The following SUN3 variants were observed in gnomAD, a reference collection of about 807,000 sequenced individuals.
The protein encoded by SUN3 is SUN domain-containing protein 3.
In SUN3, 36 loss-of-function variants were observed where a neutral mutation model predicts 48.2. The ratio of observed to expected loss-of-function variants is 0.75; its 90% CI spans 0.57 to 0.99. SUN3 has a LOEUF of 0.99. SUN3 is among the 50% of genes least tolerant of loss of function. The pLI is 0.00. For missense variants in SUN3, 419 were observed against 433.1 expected (o/e 0.97, Z 0.29); for synonymous variants, 148 against 147.9 (o/e 1.00, Z 0.00).
At position 47,996,076 on chromosome 7, in the gene SUN3, C is replaced by T. The variant is rs774043477; in HGVS notation, c.648G>A (p.Gly216=). The change falls in exon 7 of 10, where the codon GGG becomes GGA. Residue 216 remains glycine, a synonymous_variant. Transcript: ENST00000297325. ...GCATTTCATGATTTAGGAAACCTAT[C>T]CCATGCCAGTACAATTTTGCTTTAT... is the stretch of plus-strand genomic sequence containing the variant. ...KNNKAKLYWH[G]IGFLNHEMPP... is the part of the protein sequence containing the mutation. 3.1e-6 allele frequency: 5 copies of T among 1,595,052 alleles called. No homozygotes were observed. The highest frequency in any genetic ancestry group is 2.6e-6 in the Non-Finnish European group (3 of 1,173,574).
intron 2 of SUN3, among the ~76,000 whole-genome samples, chr7:48,020,599 A>G (rs532162592): frequency 5.3e-4 from 81 of 152,350 alleles, no homozygotes; most frequent in African/African-American, 1.8e-3. Context: ...GCAGTGTTGC[A>G]GGATACAAAG....
Position 47,996,061 on chromosome 7 carries a change from A to T in SUN3, c.663T>A (p.Asn221Lys), listed in dbSNP as rs1789202547. The change falls in exon 7 of 10, where the codon AAT (asparagine) becomes AAA (lysine). Residue 221 changes from asparagine to lysine, a missense_variant. Asn to Lys is a moderately conservative substitution (Grantham distance 94). Transcript: ENST00000297325. ...GAATAATATCTGGAGGCATTTCATGATTTAGGAAACCTATCCCATGCCAGT... is the reference window on the plus strand; with the variant it reads ...GAATAATATCTGGAGGCATTTCATGTTTTAGGAAACCTATCCCATGCCAGT... ...KLYWHGIGFLNHEMPPDIILQ... is the reference protein window; with the variant it reads ...KLYWHGIGFLKHEMPPDIILQ... 2 of 1,586,184 alleles carry T rather than the reference A, an allele frequency of 1.3e-6. No homozygotes were observed. The highest frequency in any genetic ancestry group is 4.6e-5 in the East Asian group (2 of 43,802).
chr7:48,010,935 G>A (rs2128778265), intron 3 of SUN3, among the ~76,000 whole-genome samples: 1 of 152,212 alleles, frequency 6.6e-6, no homozygotes, highest in Non-Finnish European at 1.5e-5. Flanking sequence ...TGGTGGCTCT[G>A]GGCATTCCTA....
intron 8 of SUN3, 25 bp from the exon 9 acceptor site, chr7:47,988,905 A>C (rs1583736550): frequency 1.5e-6 from 2 of 1,367,712 alleles, no homozygotes; most frequent in Admixed American, 3.8e-5. Context: ...ACAGATATAG[A>C]GATTGTAATG....
upstream of SUN3, among the ~76,000 whole-genome samples, chr7:48,032,975 C>G (rs1260704012): frequency 1.3e-5 from 2 of 152,148 alleles, no homozygotes; most frequent in South Asian, 2.1e-4. Flanking sequence ...ATACATTTTT[C>G]CTCTTCTCAA....
At chr7:47,991,988 A>C (rs1049400678) in intron 8 of SUN3, among the ~76,000 whole-genome samples, 5 of 152,092 alleles carry the variant, frequency 3.3e-5, no homozygotes, top group Non-Finnish European at 7.4e-5. Context: ...GCCTCTGCAC[A>C]AAGTGGTGAC....
At chr7:48,010,638 T>C (rs1253690665) in intron 3 of SUN3, among the ~76,000 whole-genome samples, 1 of 152,110 alleles carries the variant, frequency 6.6e-6, no homozygotes, top group East Asian at 1.9e-4. Context: ...ATTTGTCTCA[T>C]CCACATACTC....
upstream of SUN3, among the ~76,000 whole-genome samples, chr7:48,032,871 T>C (rs1472303730): frequency 6.6e-6 from 1 of 152,108 alleles, no homozygotes; most frequent in East Asian, 1.9e-4. Context: ...AAAGTTTAAA[T>C]AAACTAGCTT....
chr7:47,994,436 C>T lies in SUN3; in HGVS notation c.740G>A (p.Gly247Asp). The change falls in exon 8 of 10, where the codon GGT (glycine) becomes GAT (aspartate). Residue 247 changes from glycine (G) to aspartate (D), a missense_variant. Transcript: ENST00000297325. The part of the protein sequence containing the change: ...GKCWAFPGSQ[G>D]HTLIKLATKI... The stretch of plus-strand genomic sequence containing the variant: ...TGTAGCAAGCTTGATTAGGGTATGA[C>T]CCTGGGAACCTGGAAAAGCCCAGCA... 1 of 1,610,984 alleles carries T rather than the reference C, an allele frequency of 6.2e-7. No individual in the cohort carries two copies. The highest frequency in any genetic ancestry group is 8.5e-7 in the Non-Finnish European group (1 of 1,179,024).
rs756625394 is a variant in SUN3 at position 48,028,872 on chromosome 7, C to A, written c.67G>T (p.Gly23Cys). Residue 23 changes from glycine (G) to cysteine (C), a missense_variant, in exon 1 of 10, where the codon GGT becomes TGT. Transcript: ENST00000297325. ...AACAAAGCATTGCCACTGGCGCTAC[C>A]GCTGGCGTCTTCAGAGCAACGTCTA... is the stretch of plus-strand genomic sequence containing the variant. ...FFRRCSEDAS[G>C]SASGNALLSE... 2 of 1,613,840 alleles carry A rather than the reference C, an allele frequency of 1.2e-6. No homozygotes were observed. Among genetic ancestry groups the A allele is most frequent in the Admixed American group, 1.7e-5 (1 of 60,000 alleles).
chr7:48,007,621 A>G (rs928544269), intron 4 of SUN3, among the ~76,000 whole-genome samples: 3 of 152,136 alleles, frequency 2.0e-5, no homozygotes, highest in Non-Finnish European at 4.4e-5. Flanking sequence ...GTAACGTCAC[A>G]CAGGTGAATC....
Position 48,029,042 on chromosome 7 carries a change from G to A in SUN3, c.-104C>T. On this transcript the variant is annotated 5_prime_UTR_variant, in exon 1 of 10. Transcript: ENST00000297325. ...AGCTATACATACAGTTTCTAAATTT[G>A]TTTTGTATAATGTCTTCTTCCTCCA... 6.6e-7 allele frequency: 1 copy of A among 1,517,820 alleles called. No individual in the cohort carries two copies. The highest frequency in any genetic ancestry group is 8.9e-7 in the Non-Finnish European group (1 of 1,125,274). The allele number at this position is 1,517,820 out of a possible 1,614,324, so 94.0% of individuals were successfully genotyped here. A position where few individuals can be genotyped will look rare whatever the true frequency, so the allele number is the denominator to read the frequency against.
chr7:48,035,498 C>T, the SUN3 span: 1 of 697,412 alleles, frequency 1.4e-6, no homozygotes, highest in Admixed American at 2.0e-5. The surrounding 1 kb of genome is among the most constrained non-coding windows in gnomAD (Gnocchi z 4.0). Flanking sequence ...TCAGCCGTTG[C>T]CCTGGCGACG....
intron 2 of SUN3, among the ~76,000 whole-genome samples, chr7:48,024,694 C>T (rs1163105062): frequency 1.3e-5 from 2 of 151,576 alleles, no homozygotes; most frequent in Non-Finnish European, 2.9e-5. Context: ...TGCTTCCGCT[C>T]ATGGTGGAAG....
intron 9 of SUN3, among the ~76,000 whole-genome samples, chr7:47,988,429 T>C (rs1788959044): frequency 6.6e-6 from 1 of 152,206 alleles, no homozygotes; most frequent in Non-Finnish European, 1.5e-5. Flanking sequence ...TCTGTCCACT[T>C]CATATTGTAC....
chr7:47,990,659 C>A (rs1789032928), intron 8 of SUN3, among the ~76,000 whole-genome samples: 2 of 152,088 alleles, frequency 1.3e-5, no homozygotes, highest in South Asian at 4.2e-4. Context: ...ATGACTCAAG[C>A]CTCATATATT....
chr7:48,012,918 G>C (rs760308735), intron 3 of SUN3, among the ~76,000 whole-genome samples: 4 of 152,194 alleles, frequency 2.6e-5, no homozygotes, highest in Admixed American at 6.5e-5. Context: ...CTCCTACCAC[G>C]TGAAGACACA....
intron 7 of SUN3, 44 bp downstream of exon 7, chr7:47,995,987 C>T (rs1396902432): frequency 1.6e-6 from 2 of 1,255,380 alleles, no homozygotes; most frequent in Non-Finnish European, 2.2e-6. Flanking sequence ...ATAATAAGAA[C>T]AAAATTCTAA....
intron 2 of SUN3, among the ~76,000 whole-genome samples, chr7:48,024,147 C>T (rs1219218237): frequency 6.6e-6 from 1 of 152,128 alleles, no homozygotes; most frequent in Non-Finnish European, 1.5e-5. Flanking sequence ...AAAGGTTTGG[C>T]AATGGATGCT....
Sources: allele counts gnomAD v4.1 joint callset (sites outside exome capture counted in the v4.1 genomes callset), GRCh38; gene constraint gnomAD v4.1.1; non-coding constraint Gnocchi (gnomAD v3.1); transcripts MANE v1.5; gene names NCBI Gene and HGNC (gene_info 2026-07-23, HGNC 2026-07-21).